PRKN: variants seen among roughly 807,000 people sequenced by gnomAD.
PRKN encodes E3 ubiquitin-protein ligase parkin.
Under a neutral mutation model 59.5 loss-of-function variants are expected in PRKN, and 56 were observed. That is an observed-to-expected ratio of 0.94 (90% CI 0.76 to 1.18). The LOEUF (loss-of-function observed/expected upper bound fraction) is 1.18, where lower values mean the gene tolerates loss of function less well. Ranked by LOEUF, PRKN falls within the 50% of genes most tolerant of loss-of-function variation. The pLI, the probability that PRKN is intolerant of heterozygous loss-of-function variation, is 0.00. For synonymous variants in PRKN, 250 were observed against 222.1 expected, an observed-to-expected ratio of 1.13 and a Z score of -1.12; for missense variants, 657 against 596.4, an observed-to-expected ratio of 1.10 and a Z score of -1.06.
intron 7 of PRKN, among the ~76,000 whole-genome samples, chr6:161,757,943 G>GTA (rs1261358549): frequency 7.1e-4 from 68 of 96,192 alleles, no homozygotes; most frequent in African/African-American, 1.7e-3. Flanking sequence ...GTATATATAT[G>GTA]TATATATATA....
At chr6:162,711,078 T>G (rs934676557) in intron 1 of PRKN, among the ~76,000 whole-genome samples, 2 of 152,188 alleles carry the variant, frequency 1.3e-5, no homozygotes, top group African/African-American at 4.8e-5. Flanking sequence ...ACTGACAGTT[T>G]GATGAAGCTA....
intron 6 of PRKN, among the ~76,000 whole-genome samples, chr6:161,856,494 A>T (rs1341990745): frequency 6.6e-6 from 1 of 152,182 alleles, no homozygotes; most frequent in Non-Finnish European, 1.5e-5. Context: ...TCCTTCATAT[A>T]AATTTATAAC....
At chr6:161,622,539 C>G (rs1007852060) in intron 7 of PRKN, among the ~76,000 whole-genome samples, 21 of 152,276 alleles carry the variant, frequency 1.4e-4, no homozygotes, top group Admixed American at 1.2e-3. Context: ...CTCATCCTCC[C>G]CCACACTCTA....
Position 161,360,916 on chromosome 6 carries a change from C to T in PRKN, c.1168-711G>A, listed in dbSNP as rs564664785. On this transcript the variant is annotated intron_variant, in intron 10 of 11. Coordinates refer to ENST00000366898, the MANE Select transcript of PRKN (RefSeq NM_004562.3). This position sits in a 1 kb window ranked among gnomAD's most constrained non-coding sequence, Gnocchi z 5.1. The stretch of plus-strand genomic sequence containing the variant: ...AGTCTTTATCTCTCAGATGAAACAC[C>T]TTGTGCATTGGGGGTATGGAGGATT... Among the ~76,000 whole-genome samples the T allele has an allele frequency of 6.6e-6, 1 of 152,254 alleles. No homozygotes were observed. The highest frequency in any genetic ancestry group is 1.9e-4 in the East Asian group (1 of 5,180).
intron 2 of PRKN, among the ~76,000 whole-genome samples, chr6:162,299,770 A>G (rs1286624235): frequency 6.6e-6 from 1 of 152,050 alleles, no homozygotes; most frequent in Non-Finnish European, 1.5e-5. Context: ...CTTCCTACCT[A>G]CCACACTTAC....
chr6:162,664,132 G>C (rs186264217), intron 1 of PRKN, among the ~76,000 whole-genome samples: 123 of 152,252 alleles, frequency 8.1e-4, no homozygotes, highest in African/African-American at 2.9e-3. Flanking sequence ...CTATGAGTGG[G>C]AACATGCAGT....
chr6:161,980,670 C>T (rs1781226871), intron 5 of PRKN, among the ~76,000 whole-genome samples: 1 of 152,162 alleles, frequency 6.6e-6, no homozygotes, highest in Admixed American at 6.5e-5. Flanking sequence ...GAAGCCACTG[C>T]CAGAGATGTC....
At chr6:162,389,744 A>G (rs886850994) in intron 2 of PRKN, among the ~76,000 whole-genome samples, 2 of 152,240 alleles carry the variant, frequency 1.3e-5, no homozygotes, top group African/African-American at 2.4e-5. Context: ...TATCCTTCTA[A>G]TAAGTGGTAA....
chr6:161,795,707 C>T (rs749443167), intron 6 of PRKN, among the ~76,000 whole-genome samples: 3 of 152,102 alleles, frequency 2.0e-5, no homozygotes, highest in Non-Finnish European at 4.4e-5. Flanking sequence ...CAGTCAGGGA[C>T]ACCTTGGAAG....
chr6:162,075,618 T>G (rs1178770180), intron 4 of PRKN, among the ~76,000 whole-genome samples: 1 of 119,306 alleles, frequency 8.4e-6, no homozygotes, highest in Non-Finnish European at 1.9e-5. Context: ...TGACCACTGG[T>G]CAACAACTAT....
At chr6:162,208,014 C>T (rs1785034110) in intron 3 of PRKN, among the ~76,000 whole-genome samples, 1 of 152,168 alleles carries the variant, frequency 6.6e-6, no homozygotes, top group East Asian at 1.9e-4. Context: ...TATTTGAAAT[C>T]AGTAAAATTA....
rs142102243 is a variant in PRKN at position 161,515,206 on chromosome 6, C to T, written c.1083+33648G>A. ...CTGAACATCTATTATATGCATAGTACCAACGAGAAATCAGCATCCAACTGT... is the reference window on the plus strand; with the variant it reads ...CTGAACATCTATTATATGCATAGTATCAACGAGAAATCAGCATCCAACTGT... On this transcript the variant is annotated intron_variant, in intron 9 of 11. Transcript: ENST00000366898. Among the ~76,000 whole-genome samples the T allele has an allele frequency of 4.0e-3, 609 of 152,208 alleles. 2 individuals are homozygous for T. Among genetic ancestry groups the T allele is most frequent in the Admixed American group, 5.9e-3 (91 of 15,296 alleles).
At chr6:162,143,854 A>G (rs1470773552) in intron 4 of PRKN, among the ~76,000 whole-genome samples, 3 of 152,332 alleles carry the variant, frequency 2.0e-5, no homozygotes, top group East Asian at 3.9e-4. Flanking sequence ...CAGCCATTCC[A>G]GGCACAGAGA....
At chr6:162,566,905 A>G (rs1161644750) in intron 1 of PRKN, among the ~76,000 whole-genome samples, 1 of 152,160 alleles carries the variant, frequency 6.6e-6, no homozygotes, top group Non-Finnish European at 1.5e-5. Context: ...AACTGAATTC[A>G]ACATTACATC....
chr6:162,315,688 T>G (rs1484793521), intron 2 of PRKN, among the ~76,000 whole-genome samples: 1 of 152,164 alleles, frequency 6.6e-6, no homozygotes, highest in Admixed American at 6.5e-5. Flanking sequence ...GTTTGACTTC[T>G]GCAAAATTAG....
At chr6:161,408,850 G>T (rs1787396017) in intron 9 of PRKN, among the ~76,000 whole-genome samples, 1 of 152,146 alleles carries the variant, frequency 6.6e-6, no homozygotes, top group Admixed American at 6.5e-5. Context: ...TATCTAAAAT[G>T]AGGTGGACTT....
intron 4 of PRKN, among the ~76,000 whole-genome samples, chr6:162,145,996 T>C (rs1443747256): frequency 6.6e-6 from 1 of 152,198 alleles, no homozygotes; most frequent in Non-Finnish European, 1.5e-5. Flanking sequence ...CAATTTCCCA[T>C]CTGCCACACA....
chr6:162,454,702 C>T (rs1470206086), intron 1 of PRKN, among the ~76,000 whole-genome samples: 1 of 152,188 alleles, frequency 6.6e-6, no homozygotes, highest in Non-Finnish European at 1.5e-5. Context: ...TCTGGAAACA[C>T]ATTTATGGCT....
rs1779900670 is a variant in PRKN at position 161,549,074 on chromosome 6, A to AGT, written c.934-73_934-72dup. 6.5e-7 allele frequency: 1 copy of AGT among 1,537,648 alleles called. No homozygotes were observed. The highest frequency in any genetic ancestry group is 1.7e-5 in the Admixed American group (1 of 59,662). ...TTTCAGCCAAAGGGTTAGGAGCTACAGTGCATGGGATTTCTTGCTTAACCA... is the reference window on the plus strand; with the variant it reads ...TTTCAGCCAAAGGGTTAGGAGCTACAGTGTGCATGGGATTTCTTGCTTAACCA... On this transcript the variant is annotated intron_variant, in intron 8 of 11. Coordinates refer to ENST00000366898, the MANE Select transcript of PRKN (RefSeq NM_004562.3). The surrounding 1 kb of genome is among the most constrained non-coding windows in gnomAD (Gnocchi z 6.0).
Sources: allele counts gnomAD v4.1 joint callset (sites outside exome capture counted in the v4.1 genomes callset), GRCh38; gene constraint gnomAD v4.1.1; non-coding constraint Gnocchi (gnomAD v3.1); transcripts MANE v1.5; gene names NCBI Gene and HGNC (gene_info 2026-07-23, HGNC 2026-07-21).